The following OPN5 variants were observed in gnomAD, a reference collection of about 807,000 sequenced individuals.
OPN5 encodes the protein opsin 5.
A neutral mutation model predicts 41.7 loss-of-function variants in OPN5; 18 were observed. The observed-to-expected ratio is 0.43, with a 90% CI of 0.30 to 0.64. The LOEUF is 0.64. OPN5 is among the 30% of genes least tolerant of loss of function. OPN5 has a pLI of 0.13. For missense variants in OPN5, 318 were observed against 434.5 expected (o/e 0.73, Z 2.38); for synonymous variants, 178 against 164.3 (o/e 1.08, Z -0.64).
chr6:47,791,697 T>A lies in OPN5; in HGVS notation c.251-105T>A, dbSNP rs554260454. 1.3e-3 allele frequency: 1,108 copies of A among 838,470 alleles called. 24 individuals are homozygous for A. The South Asian group carries it at 0.016, about 12-fold the overall frequency. 51.9% of individuals were successfully genotyped at this position (838,470 alleles called of 1,614,324 possible). The stretch of plus-strand genomic sequence containing the variant: ...TGTAATCAAGGGTGTGTGTGTGCGT[T>A]CACATGTGTCCCCGTGCTTTAGGGG... On this transcript the variant is annotated intron_variant, in intron 2 of 6. Coordinates refer to ENST00000371211, the Ensembl canonical transcript of OPN5.
At chr6:47,783,228 A>C (rs1773124705) in intron 1 of OPN5, among the ~76,000 whole-genome samples, 1 of 152,014 alleles carries the variant, frequency 6.6e-6, no homozygotes, top group Non-Finnish European at 1.5e-5. Flanking sequence ...AAGAAACCAT[A>C]CTTTTCTTAA....
chr6:47,811,648 T>C (rs1774208404), intron 5 of OPN5, 26 bp from the exon 6 acceptor site: 1 of 1,556,164 alleles, frequency 6.4e-7, no homozygotes. Flanking sequence ...AGATATTAAA[T>C]TGCATTTTTC....
intron 6 of OPN5, among the ~76,000 whole-genome samples, chr6:47,812,131 T>C (rs960997976): frequency 6.6e-6 from 1 of 152,126 alleles, no homozygotes; most frequent in Non-Finnish European, 1.5e-5. Context: ...CTCATTCAGG[T>C]GGACAATCAT....
At chr6:47,801,792 C>A (rs976426161) in intron 4 of OPN5, among the ~76,000 whole-genome samples, 1 of 141,084 alleles carries the variant, frequency 7.1e-6, no homozygotes, top group African/African-American at 2.5e-5. Context: ...CTTGATGAGA[C>A]CTGAGCGGGT....
chr6:47,801,630 C>T (rs972224377), intron 4 of OPN5, among the ~76,000 whole-genome samples: 1 of 152,150 alleles, frequency 6.6e-6, no homozygotes, highest in African/African-American at 2.4e-5. Context: ...GAAGCATTTC[C>T]AAAAATTGAA....
Position 47,786,916 on chromosome 6 carries a change from T to G in OPN5, c.250+282T>G, listed in dbSNP as rs923795038. Among the ~76,000 whole-genome samples the G allele has an allele frequency of 1.3e-5, 2 of 152,194 alleles. No individual in the cohort carries two copies. The highest frequency in any genetic ancestry group is 2.9e-5 in the Non-Finnish European group (2 of 68,026). ...ATGTGATACCTCAGATGTCTCAAAG[T>G]GTAGTGGGCTAAATGATTCAGAAAT... On this transcript the variant is annotated intron_variant, in intron 2 of 6. Transcript: ENST00000371211.
intron 5 of OPN5, among the ~76,000 whole-genome samples, chr6:47,809,186 A>G (rs1431573560): frequency 6.6e-6 from 1 of 152,130 alleles, no homozygotes; most frequent in Non-Finnish European, 1.5e-5. Flanking sequence ...AGCAGTAAAA[A>G]GTGGAAGAGG....
chr6:47,804,839 A>G (rs1475227931), intron 4 of OPN5, among the ~76,000 whole-genome samples: 3 of 152,218 alleles, frequency 2.0e-5, no homozygotes, highest in Non-Finnish European at 4.4e-5. Context: ...ATGTCCTTTT[A>G]AGAAGGATAA....
rs1774209245 is a variant in OPN5 at position 47,811,667 on chromosome 6, T to C, written c.999-7T>C. On this transcript the variant is annotated splice_region_variant and splice_polypyrimidine_tract_variant and intron_variant, in intron 5 of 6. Coordinates refer to ENST00000371211, the Ensembl canonical transcript of OPN5. ...ATTAAATTGCATTTTTCTTCTCCTATATCTAGGCTGCACACCGTAACCACA... is the reference window on the plus strand; with the variant it reads ...ATTAAATTGCATTTTTCTTCTCCTACATCTAGGCTGCACACCGTAACCACA... The C allele has an allele frequency of 2.5e-6, 4 of 1,608,342 alleles. No homozygotes were observed. The highest frequency in any genetic ancestry group is 3.4e-6 in the Non-Finnish European group (4 of 1,175,276).
intron 6 of OPN5, among the ~76,000 whole-genome samples, chr6:47,821,513 C>T (rs74704621): frequency 1.1e-4 from 16 of 152,232 alleles, no homozygotes; most frequent in East Asian, 5.8e-4. Flanking sequence ...GGGCAAGAGA[C>T]GGAAAGGATT....
At chr6:47,809,071 A>G (rs1200461053) in intron 5 of OPN5, among the ~76,000 whole-genome samples, 1 of 152,096 alleles carries the variant, frequency 6.6e-6, no homozygotes, top group Admixed American at 6.6e-5. Context: ...CAGTGAAAAG[A>G]GTTTGGGAAT....
At chr6:47,782,049 T>C in exon 1 of OPN5, 2 of 1,611,296 alleles carry the variant, frequency 1.2e-6, no homozygotes, top group Non-Finnish European at 1.7e-6. Flanking sequence ...TTCAGATCCC[T>C]CGTGGTTCGA....
intron 4 of OPN5, 101 bp from the exon 5 acceptor site, chr6:47,808,053 G>A: frequency 9.5e-6 from 10 of 1,050,736 alleles, no homozygotes; most frequent in Admixed American, 1.9e-5. Flanking sequence ...AGACTTTCTT[G>A]GCTGTGAGAG....
At chr6:47,795,668 T>G in intron 4 of OPN5, 105 bp downstream of exon 4, 1 of 755,364 alleles carries the variant, frequency 1.3e-6, no homozygotes, top group South Asian at 1.8e-5. Context: ...GAATCTCTAT[T>G]CTTTACGTAA....
At position 47,815,224 on chromosome 6, in the gene OPN5, C is replaced by A. The variant is rs571568698; in HGVS notation, c.1056+3493C>A. Among the ~76,000 whole-genome samples the A allele has an allele frequency of 4.6e-5, 7 of 152,170 alleles. No individual in the cohort carries two copies. The East Asian group carries it at 1.2e-3, about 25-fold the overall frequency. On this transcript the variant is annotated intron_variant, in intron 6 of 6. Coordinates refer to ENST00000371211, the Ensembl canonical transcript of OPN5. ...TTAGAAATGTAATTTCAGGTTTGCA[C>A]CCCTGAAAGAATCAAGCATTATGCT...
intron 3 of OPN5, among the ~76,000 whole-genome samples, chr6:47,792,495 T>C (rs1042959462): frequency 2.0e-5 from 3 of 152,248 alleles, no homozygotes; most frequent in African/African-American, 7.2e-5. Context: ...AACATATTTT[T>C]TTTTGTGGTG....
chr6:47,819,396 ATATAAAACAGTATAAG>A (rs1762534953), intron 6 of OPN5, among the ~76,000 whole-genome samples: 2 of 124,900 alleles, frequency 1.6e-5, no homozygotes, highest in Admixed American at 9.1e-5. Flanking sequence ...ATATATATAT[ATATAAAACAGTATAAG>A]TAAAAATGTG....
At chr6:47,800,306 G>C (rs978737901) in intron 4 of OPN5, among the ~76,000 whole-genome samples, 1 of 152,162 alleles carries the variant, frequency 6.6e-6, no homozygotes, top group Non-Finnish European at 1.5e-5. Flanking sequence ...TTTGGGTGAA[G>C]GGGTGGGGAT....
At chr6:47,806,935 A>T (rs1188594377) in intron 4 of OPN5, among the ~76,000 whole-genome samples, 1 of 152,188 alleles carries the variant, frequency 6.6e-6, no homozygotes, top group Non-Finnish European at 1.5e-5. Context: ...AGGTGGGTGG[A>T]TCACCTAAGG....
Sources: allele counts gnomAD v4.1 joint callset (sites outside exome capture counted in the v4.1 genomes callset), GRCh38; gene constraint gnomAD v4.1.1; transcripts MANE v1.5; gene names NCBI Gene and HGNC (gene_info 2026-07-23, HGNC 2026-07-21).